The following POLE variants were observed in gnomAD, a reference collection of about 807,000 sequenced individuals.
POLE encodes DNA polymerase epsilon catalytic subunit A.
POLE carries 188 observed loss-of-function variants against 279.2 expected under a neutral mutation model. The observed-to-expected ratio is 0.67, with a 90% CI of 0.60 to 0.76. The LOEUF is 0.76. POLE is among the 30% of genes least tolerant of loss of function. The pLI is 0.00. For synonymous variants in POLE, 1,214 were observed against 1,172.5 expected (o/e 1.04, Z -0.72); for missense variants, 2,703 against 3,016.7 (o/e 0.90, Z 2.44).
chr12:132,633,433 G>C (rs558445104), intron 43 of POLE: 15 of 152,384 alleles, frequency 9.8e-5, no homozygotes, highest in African/African-American at 2.6e-4. Flanking sequence ...AAAGTGCTGG[G>C]ATTACAGGCA....
intron 23 of POLE, among the ~76,000 whole-genome samples, chr12:132,662,939 G>A (rs932132352): frequency 5.9e-5 from 9 of 152,280 alleles, no homozygotes; most frequent in African/African-American, 1.7e-4. Flanking sequence ...GGATAGCAAC[G>A]CTTCCCTACA....
At chr12:132,681,750 A>G (rs572207864) in intron 1 of POLE, among the ~76,000 whole-genome samples, 4 of 152,388 alleles carry the variant, frequency 2.6e-5, no homozygotes, top group Admixed American at 6.5e-5. Flanking sequence ...AAACCTGTTC[A>G]ACTTTATAAC....
intron 42 of POLE, among the ~76,000 whole-genome samples, chr12:132,635,470 G>A (rs539628240): frequency 6.6e-6 from 1 of 152,178 alleles, no homozygotes; most frequent in Non-Finnish European, 1.5e-5. Flanking sequence ...CCATCCCCAC[G>A]AAAGCCGAGG....
chr12:132,685,596 C>A (rs1449696637), intron 1 of POLE, among the ~76,000 whole-genome samples: 1 of 152,254 alleles, frequency 6.6e-6, no homozygotes, highest in Admixed American at 6.5e-5. Context: ...CTTCCCCCTG[C>A]CTGGAGGCCA....
chr12:132,676,121 G>A lies in POLE; in HGVS notation c.993C>T (p.Pro331=), dbSNP rs1276810457. 1.2e-6 allele frequency: 2 copies of A among 1,610,222 alleles called. No individual in the cohort carries two copies. Among genetic ancestry groups the A allele is most frequent in the South Asian group, 2.2e-5 (2 of 90,484 alleles). The change falls in exon 10 of 49, where the codon CCC becomes CCT. Residue 331 remains proline (P), a synonymous_variant. Transcript: ENST00000320574. ...EFTPKPEYEG[P]FCVFNEPDEA... ...CATCGGGTTCATTGAAGACACAAAAGGGGCCTTCATATTCTGGCTTGGGGG... is the reference window on the plus strand; with the variant it reads ...CATCGGGTTCATTGAAGACACAAAAAGGGCCTTCATATTCTGGCTTGGGGG...
intron 26 of POLE, among the ~76,000 whole-genome samples, chr12:132,658,881 C>CA (rs1167117347): frequency 0.067 from 2,279 of 33,802 alleles, 669 homozygotes; most frequent in Admixed American, 0.13. Context: ...ATATAACCAC[C>CA]AAAAAAAAAA....
chr12:132,674,500 C>G (rs900807833), intron 12 of POLE, among the ~76,000 whole-genome samples: 7 of 152,124 alleles, frequency 4.6e-5, no homozygotes, highest in Non-Finnish European at 8.8e-5. Context: ...AGGGTCACCT[C>G]CTGCCTCAAG....
chr12:132,683,647 C>T (rs1299053998), intron 1 of POLE, among the ~76,000 whole-genome samples: 2 of 152,224 alleles, frequency 1.3e-5, no homozygotes, highest in Admixed American at 1.3e-4. Flanking sequence ...AGTTCTGAGT[C>T]CCAGATCTTT....
rs752303205 is a variant in POLE, at chr12:132,626,263, G to T, written c.6385C>A (p.Leu2129Met). The change falls in exon 46 of 49, where the codon CTG (leucine) becomes ATG (methionine). Residue 2129 changes from leucine (L) to methionine (M), a missense_variant. Transcript: ENST00000320574. ...TNQVNKLNRD[L>M]LRLVDVGEFS... is the part of the protein sequence containing the mutation. ...TCGCCGACATCCACCAGGCGAAGCA[G>T]GTCTCGGTTCAGCTTATTCACCTGG... 11 of 1,613,946 alleles carry T rather than the reference G, an allele frequency of 6.8e-6. No homozygotes were observed. The highest frequency in any genetic ancestry group is 9.3e-6 in the Non-Finnish European group (11 of 1,180,044).
intron 25 of POLE, chr12:132,660,416 G>C (rs1565957105): frequency 6.6e-6 from 1 of 152,506 alleles, no homozygotes; most frequent in Non-Finnish European, 1.5e-5. Flanking sequence ...GAGTGTTCCA[G>C]TATTCCTTCT....
At chr12:132,655,713 C>A (rs990718522) in intron 29 of POLE, among the ~76,000 whole-genome samples, 9 of 152,134 alleles carry the variant, frequency 5.9e-5, no homozygotes, top group Non-Finnish European at 1.3e-4. Flanking sequence ...TAACAATAGT[C>A]CTTATGTTTC....
At chr12:132,643,156 TG>T in intron 35 of POLE, 67 bp downstream of exon 35, 1 of 1,541,488 alleles carries the variant, frequency 6.5e-7, no homozygotes, top group Non-Finnish European at 8.9e-7. Flanking sequence ...CTGGGCACCC[TG>T]GGAGATGTCC....
chr12:132,648,851 T>C, intron 32 of POLE, 78 bp downstream of exon 32: 1 of 1,464,772 alleles, frequency 6.8e-7, no homozygotes, highest in Non-Finnish European at 9.3e-7. Context: ...AGATGGAGGC[T>C]GGAGGCCAGG....
intron 43 of POLE, chr12:132,633,866 T>C (rs1593711197): frequency 3.9e-6 from 1 of 259,722 alleles, no homozygotes; most frequent in Non-Finnish European, 7.3e-6. Context: ...GGAATGTATG[T>C]GACTGAGTTA....
Position 132,668,754 on chromosome 12 carries a change from A to G in POLE, c.1924-17T>C, listed in dbSNP as rs772728457. On this transcript the variant is annotated splice_polypyrimidine_tract_variant and intron_variant, in intron 17 of 48. Transcript: ENST00000320574. This position sits in a 1 kb window ranked among gnomAD's most constrained non-coding sequence, Gnocchi z 4.0. ...GGCAGAGGGCTGGGAGGGGTGAGAA[A>G]GCACTTAGGGCTGGGCAGAGAGAGC... 2.5e-6 allele frequency: 4 copies of G among 1,613,800 alleles called. No individual in the cohort carries two copies. The South Asian group carries it at 3.3e-5, about 13-fold the overall frequency.
In POLE at chr12:132,687,315, TG is replaced by T; in HGVS notation, c.-1del. ...CGCCGCCCGCCGCTCCTCAGAGACA[TG>T]GAGCCGTTGGCTACCACCTCTGCTT... On this transcript the variant is annotated 5_prime_UTR_variant, in exon 1 of 49. Transcript: ENST00000320574. 6.7e-7 allele frequency: 1 copy of T among 1,500,072 alleles called. No individual in the cohort carries two copies. The highest frequency in any genetic ancestry group is 8.9e-7 in the Non-Finnish European group (1 of 1,124,016). The allele number at this position is 1,500,072 out of a possible 1,614,324, so 92.9% of individuals were successfully genotyped here. A position where few individuals can be genotyped will look rare whatever the true frequency, so the allele number is the denominator to read the frequency against.
intron 26 of POLE, 186 bp from the exon 27 acceptor site, chr12:132,658,156 G>A (rs968742611): frequency 1.6e-5 from 7 of 437,768 alleles, no homozygotes; most frequent in Non-Finnish European, 2.7e-5. Flanking sequence ...TAACACGTGC[G>A]TATGTGTAAA....
chr12:132,661,179 A>G lies in POLE; in HGVS notation c.2865-15T>C. ...ACACAGCATACCTGAAAAAAAAAAA[A>G]AAGGCAAGCACAGCAGTGGCAAGGA... On this transcript the variant is annotated splice_polypyrimidine_tract_variant and intron_variant, in intron 24 of 48. Transcript: ENST00000320574. This position sits in a 1 kb window ranked among gnomAD's most constrained non-coding sequence, Gnocchi z 4.1. 1 of 1,580,890 alleles carries G rather than the reference A, an allele frequency of 6.3e-7. No homozygotes were observed. Among genetic ancestry groups the G allele is most frequent in the Non-Finnish European group, 8.6e-7 (1 of 1,167,022 alleles).
At chr12:132,652,939 A>C (rs989148260) in intron 29 of POLE, among the ~76,000 whole-genome samples, 1 of 152,238 alleles carries the variant, frequency 6.6e-6, no homozygotes, top group African/African-American at 2.4e-5. Flanking sequence ...CTATCCAAAA[A>C]GCTTTTGGCA....
Sources: gnomAD v4.1 joint callset for allele counts (sites outside exome capture counted in the v4.1 genomes callset) on GRCh38, gnomAD v4.1.1 for gene constraint, Gnocchi (gnomAD v3.1) non-coding constraint, MANE v1.5 for transcripts, NCBI Gene and HGNC (gene_info 2026-07-23, HGNC 2026-07-21) for gene names.